GRK3: variants seen among roughly 807,000 people sequenced by gnomAD.
GRK3 encodes the protein G protein-coupled receptor kinase 3, also known as adrenergic, beta, receptor kinase 2.
GRK3 carries 54 observed loss-of-function variants against 95.7 expected under a neutral mutation model. The ratio of observed to expected loss-of-function variants is 0.56; its 90% CI spans 0.45 to 0.71. The LOEUF (loss-of-function observed/expected upper bound fraction) is 0.71. Ranked by LOEUF, GRK3 falls within the 30% of genes least tolerant of loss-of-function variation. The pLI is 0.00. For missense variants in GRK3, 649 were observed against 851.2 expected (o/e 0.76, Z 2.96); for synonymous variants, 281 against 290.8 (o/e 0.97, Z 0.34).
At chr22:25,585,204 G>A (rs1469682437) in intron 1 of GRK3, among the ~76,000 whole-genome samples, 1 of 152,302 alleles carries the variant, frequency 6.6e-6, no homozygotes, top group African/African-American at 2.4e-5. Context: ...GGAGGAAGTG[G>A]GGTGCACAAG....
At chr22:25,568,624 GCACGGGGTACTATGACAAACCCAGC>G (rs1244682553) in intron 1 of GRK3, among the ~76,000 whole-genome samples, 3 of 152,186 alleles carry the variant, frequency 2.0e-5, no homozygotes, top group African/African-American at 7.2e-5. Flanking sequence ...TATGAGCCAG[GCACGGGGTACTATGACAAACCCAGC>G]CACAGCCCCT....
intron 1 of GRK3, among the ~76,000 whole-genome samples, chr22:25,594,482 C>A (rs973461679): frequency 4.8e-4 from 73 of 152,276 alleles, no homozygotes; most frequent in Admixed American, 4.3e-3. Flanking sequence ...AATCCAGCAG[C>A]ACATCAAAGA....
At chr22:25,566,841 G>T (rs1303570553) in intron 1 of GRK3, among the ~76,000 whole-genome samples, 1 of 151,778 alleles carries the variant, frequency 6.6e-6, no homozygotes, top group Admixed American at 6.6e-5. Flanking sequence ...AAGGCAGGGA[G>T]TCCTAAATAT....
chr22:25,716,310 G>A (rs913260429), intron 18 of GRK3, among the ~76,000 whole-genome samples: 10 of 152,060 alleles, frequency 6.6e-5, no homozygotes, highest in South Asian at 2.1e-4. Flanking sequence ...TTAGAGAACC[G>A]GTCCATTGTG....
At chr22:25,704,485 C>T (rs1371345932) in intron 15 of GRK3, among the ~76,000 whole-genome samples, 1 of 152,226 alleles carries the variant, frequency 6.6e-6, no homozygotes, top group East Asian at 1.9e-4. Context: ...TCTCAGCTCA[C>T]TGCAACCTCC....
At chr22:25,577,367 G>T (rs113982886) in intron 1 of GRK3, among the ~76,000 whole-genome samples, 2,894 of 152,152 alleles carry the variant, frequency 0.019, 45 homozygotes, top group Non-Finnish European at 0.028. Context: ...TAGAGACAGG[G>T]TTTTGCCACA....
In GRK3 at chr22:25,565,097, G is replaced by A; in HGVS notation, c.57G>A (p.Lys19=). The A allele has an allele frequency of 6.5e-7, 1 of 1,549,854 alleles. No homozygotes were observed. The highest frequency in any genetic ancestry group is 8.7e-7 in the Non-Finnish European group (1 of 1,151,746). ...TCAGTTACCTGATGGCCATGGAGAA[G>A]AGCAAGGCGACCCCGGCCGCCCGCG... ...ADVSYLMAME[K]SKATPAARAS... The change falls in exon 1 of 21, where the codon AAG becomes AAA. Residue 19 remains lysine, a synonymous_variant. Transcript: ENST00000324198.
chr22:25,714,535 A>C lies in GRK3; in HGVS notation c.1619A>C (p.Lys540Thr). The change falls in exon 18 of 21, where the codon AAG becomes ACG. Residue 540 changes from lysine to threonine, a missense_variant. Around this residue, in one of 3 missense-constraint regions of GRK3, gnomAD observed 382 missense variants for 493.8 expected, o/e 0.77. Transcript: ENST00000324198. ...NADTDKIEARKRAKNKQLGHE... is the reference protein window; with the variant it reads ...NADTDKIEARTRAKNKQLGHE... ...GACACAGATAAAATCGAGGCCAGGAAGAGAGCTAAAAATAAGCAACTTGGC... is the reference window on the plus strand; with the variant it reads ...GACACAGATAAAATCGAGGCCAGGACGAGAGCTAAAAATAAGCAACTTGGC... The C allele has an allele frequency of 6.2e-7, 1 of 1,610,534 alleles. No homozygotes were observed. The highest frequency in any genetic ancestry group is 8.5e-7 in the Non-Finnish European group (1 of 1,179,026).
At chr22:25,647,938 C>G (rs1241423556) in intron 3 of GRK3, 2 of 506,080 alleles carry the variant, frequency 4.0e-6, no homozygotes, top group Non-Finnish European at 7.2e-6. Context: ...TGGTGAAACC[C>G]CATCTCTACT....
At chr22:25,568,874 A>C (rs1266733905) in intron 1 of GRK3, among the ~76,000 whole-genome samples, 1 of 152,230 alleles carries the variant, frequency 6.6e-6, no homozygotes, top group Non-Finnish European at 1.5e-5. Context: ...GGTGTTTTAC[A>C]ATAATTTGTT....
At chr22:25,638,941 A>T (rs1228869251) in intron 2 of GRK3, among the ~76,000 whole-genome samples, 2 of 152,194 alleles carry the variant, frequency 1.3e-5, no homozygotes, top group African/African-American at 2.4e-5. Context: ...ATGACCAATG[A>T]TGCTGAGTCC....
chr22:25,582,611 G>C (rs1447616296), intron 1 of GRK3, among the ~76,000 whole-genome samples: 1 of 152,140 alleles, frequency 6.6e-6, no homozygotes, highest in Non-Finnish European at 1.5e-5. Context: ...ATGGAGATTT[G>C]CTCTAATATA....
intron 1 of GRK3, among the ~76,000 whole-genome samples, chr22:25,591,205 C>A (rs544297993): frequency 6.6e-6 from 1 of 152,102 alleles, no homozygotes; most frequent in East Asian, 1.9e-4. Context: ...AAATGCTATC[C>A]TTATGATTAG....
chr22:25,569,215 T>G (rs1229867575), intron 1 of GRK3, among the ~76,000 whole-genome samples: 1 of 152,230 alleles, frequency 6.6e-6, no homozygotes, highest in Non-Finnish European at 1.5e-5. Context: ...ATAGGAGTGT[T>G]TCTATGTGTA....
chr22:25,619,650 GTTTT>G (rs536273282), intron 2 of GRK3, among the ~76,000 whole-genome samples: 3 of 107,926 alleles, frequency 2.8e-5, no homozygotes, highest in African/African-American at 7.5e-5. Flanking sequence ...TACCTGGCTA[GTTTT>G]TTTTTTTTTT....
intron 13 of GRK3, among the ~76,000 whole-genome samples, chr22:25,696,917 A>T (rs1364659737): frequency 1.3e-5 from 2 of 152,294 alleles, no homozygotes; most frequent in East Asian, 3.9e-4. Context: ...CTAATTAGAG[A>T]GTTTATCTAA....
At chr22:25,603,636 C>T (rs192377641) in intron 1 of GRK3, among the ~76,000 whole-genome samples, 1 of 152,116 alleles carries the variant, frequency 6.6e-6, no homozygotes, top group East Asian at 1.9e-4. Flanking sequence ...TTTCTATGTT[C>T]TATGAAAAAC....
chr22:25,576,698 C>T lies in GRK3; in HGVS notation c.113+11545C>T, dbSNP rs181902519. ...CCAGGTTTTCTGATTCCAAATTCAG[C>T]GTATTTTCAGAAAAACCTTCAGACT... On this transcript the variant is annotated intron_variant, in intron 1 of 20. Transcript: ENST00000324198. 9.9e-5 allele frequency among the ~76,000 whole-genome samples: 15 copies of T among 152,242 alleles called. No homozygotes were observed. In the East Asian group the frequency reaches 1.9e-3, roughly 20 times the overall value.
chr22:25,676,806 G>T (rs1318644449), intron 8 of GRK3, among the ~76,000 whole-genome samples: 2 of 152,152 alleles, frequency 1.3e-5, no homozygotes, highest in African/African-American at 4.8e-5. Context: ...TAGATCAAGT[G>T]TAGATACTTC....
Sources: gnomAD v4.1 joint callset for allele counts (sites outside exome capture counted in the v4.1 genomes callset) on GRCh38, gnomAD v4.1.1 for gene constraint, gnomAD v4.1.1 regional missense constraint, MANE v1.5 for transcripts, NCBI Gene and HGNC (gene_info 2026-07-23, HGNC 2026-07-21) for gene names.